Variants in BBS4 observed in about 807,000 individuals in gnomAD.
The protein encoded by BBS4 is Bardet-Biedl syndrome 4.
A neutral mutation model predicts 71.4 loss-of-function variants in BBS4; 58 were observed. The observed-to-expected ratio is 0.81, with a 90% CI of 0.66 to 1.01. BBS4 has a LOEUF of 1.01. Among genes scored for constraint, BBS4 ranks in the 50% least tolerant of loss-of-function variants. The pLI is 0.00. For synonymous variants in BBS4, 228 were observed against 216.8 expected (o/e 1.05, Z -0.46); for missense variants, 660 against 607.9 (o/e 1.09, Z -0.90).
Position 72,709,785 on chromosome 15 carries a change from A to T in BBS4, c.156+6A>T. ...AAGATTATGAAGCCTGCAAGGTAAG[A>T]GATTGCCATAATAATAAAAATGAGA... On this transcript the variant is annotated splice_donor_region_variant and intron_variant, in intron 3 of 15. Transcript: ENST00000268057. The T allele has an allele frequency of 6.2e-7, 1 of 1,609,638 alleles. No individual in the cohort carries two copies. The highest frequency in any genetic ancestry group is 8.5e-7 in the Non-Finnish European group (1 of 1,176,346).
Position 72,731,448 on chromosome 15 carries a change from A to T in BBS4, c.855A>T (p.Lys285Asn). The T allele has an allele frequency of 2.5e-6, 4 of 1,614,196 alleles. No homozygotes were observed. The highest frequency in any genetic ancestry group is 3.4e-6 in the Non-Finnish European group (4 of 1,180,054). Residue 285 changes from lysine (K) to asparagine (N), a missense_variant, in exon 11 of 16, where the codon AAA (lysine) becomes AAT (asparagine). Transcript: ENST00000268057. The stretch of plus-strand genomic sequence containing the variant: ...GAATGTGTTTCTTTGGCAAGAAGAA[A>T]TATGTGGCGGTGAGTGTCCCCTCAT... ...NIGMCFFGKK[K>N]YVAAISCLKR...
At chr15:72,724,484 C>A in intron 7 of BBS4, 44 bp from the exon 8 acceptor site, 2 of 1,611,520 alleles carry the variant, frequency 1.2e-6, no homozygotes, top group South Asian at 1.1e-5. Context: ...ATAGTTCGTT[C>A]AGTGGTAGTG....
chr15:72,686,381 G>T, intron 1 of BBS4, 130 bp downstream of exon 1: 1 of 1,537,854 alleles, frequency 6.5e-7, no homozygotes, highest in South Asian at 1.2e-5. Context: ...TGGGCGGGGC[G>T]ACACGGTCCC....
At chr15:72,694,008 C>T (rs1489075388) in intron 1 of BBS4, among the ~76,000 whole-genome samples, 3 of 151,998 alleles carry the variant, frequency 2.0e-5, no homozygotes, top group Non-Finnish European at 4.4e-5. Flanking sequence ...CCTCAGCCTC[C>T]CAAGTAGCTG....
chr15:72,691,698 G>A (rs550688228), intron 1 of BBS4, among the ~76,000 whole-genome samples: 1 of 152,280 alleles, frequency 6.6e-6, no homozygotes, highest in South Asian at 2.1e-4. Context: ...GGGTGCAGTG[G>A]CTTACGCCTG....
rs111586976 is a variant in BBS4, at chr15:72,734,930, A to G, written c.1037-183A>G. Reference sequence around the variant, plus strand: ...AAAAGAAACTGCAAAAAAAGGATGCATAGAACCTGGCAACTGATTGACTGT... The same window carrying G: ...AAAAGAAACTGCAAAAAAAGGATGCGTAGAACCTGGCAACTGATTGACTGT... On this transcript the variant is annotated intron_variant, in intron 12 of 15. Transcript: ENST00000268057. The G allele has an allele frequency of 3.8e-3, 2,352 of 612,928 alleles. 54 individuals carry two copies. The African/African-American group carries it at 0.038, about 10-fold the overall frequency. The allele number at this position is 612,928 out of a possible 1,614,324, so 38.0% of individuals were successfully genotyped here. A position where few individuals can be genotyped will look rare whatever the true frequency, so the allele number is the denominator to read the frequency against.
chr15:72,712,347 A>T (rs775236839), intron 4 of BBS4, 40 bp downstream of exon 4: 2 of 1,577,928 alleles, frequency 1.3e-6, no homozygotes, highest in Admixed American at 1.7e-5. Context: ...AGAGAAATAC[A>T]CTTTTCCTAG....
At chr15:72,718,625 A>C (rs1027487422) in intron 6 of BBS4, among the ~76,000 whole-genome samples, 19 of 152,248 alleles carry the variant, frequency 1.2e-4, no homozygotes, top group Non-Finnish European at 1.5e-5. Flanking sequence ...GCTAACAGCC[A>C]GAGTGAAACT....
chr15:72,719,233 C>T lies in BBS4; in HGVS notation c.405+2383C>T, dbSNP rs112406655. Among the ~76,000 whole-genome samples the T allele has an allele frequency of 2.4e-3, 355 of 151,034 alleles. 1 individual carries two copies. Among genetic ancestry groups the T allele is most frequent in the African/African-American group, 8.3e-3 (341 of 41,164 alleles). On this transcript the variant is annotated intron_variant, in intron 6 of 15. Transcript: ENST00000268057. Reference sequence around the variant, plus strand: ...GCCCACCAATAATCCCTGGAACATCCCTGGATGCTAGCAGTTTTTTACTTT... The same window carrying T: ...GCCCACCAATAATCCCTGGAACATCTCTGGATGCTAGCAGTTTTTTACTTT...
At chr15:72,731,041 TG>T (rs1407112305) in intron 10 of BBS4, among the ~76,000 whole-genome samples, 1 of 148,904 alleles carries the variant, frequency 6.7e-6, no homozygotes, top group African/African-American at 2.5e-5. Context: ...AGGAAACAGA[TG>T]GGTAAAGCAA....
chr15:72,692,409 G>A (rs561405360), intron 1 of BBS4, among the ~76,000 whole-genome samples: 36 of 148,798 alleles, frequency 2.4e-4, no homozygotes, highest in Admixed American at 1.4e-4. Flanking sequence ...TCTGCCTCCT[G>A]GGCTCAAGTG....
intron 12 of BBS4, among the ~76,000 whole-genome samples, chr15:72,734,430 G>A (rs2065882309): frequency 6.6e-6 from 1 of 152,190 alleles, no homozygotes; most frequent in African/African-American, 2.4e-5. Flanking sequence ...CTGTTAGTGG[G>A]GGTTAGTGTT....
At chr15:72,730,633 T>C (rs1393406336) in intron 10 of BBS4, among the ~76,000 whole-genome samples, 1 of 152,210 alleles carries the variant, frequency 6.6e-6, no homozygotes, top group Non-Finnish European at 1.5e-5. Flanking sequence ...AGAGTCCTAA[T>C]GATTTGATAC....
intron 1 of BBS4, among the ~76,000 whole-genome samples, chr15:72,693,541 C>G (rs1256520711): frequency 6.6e-6 from 1 of 152,086 alleles, no homozygotes; most frequent in Non-Finnish European, 1.5e-5. Context: ...TGTTGTAGGA[C>G]AAAAGCAACC....
intron 2 of BBS4, among the ~76,000 whole-genome samples, chr15:72,708,637 G>C (rs1318875903): frequency 6.6e-6 from 1 of 152,192 alleles, no homozygotes; most frequent in African/African-American, 2.4e-5. Context: ...GGGCAAAATA[G>C]AGCCATATTT....
intron 12 of BBS4, among the ~76,000 whole-genome samples, chr15:72,733,878 A>G (rs11853473): frequency 0.016 from 2,445 of 152,258 alleles, 28 homozygotes; most frequent in Non-Finnish European, 0.025. Flanking sequence ...GAACTAATTT[A>G]CACTCCCATC....
chr15:72,704,327 T>A (rs2065226042), intron 2 of BBS4: 1 of 671,964 alleles, frequency 1.5e-6, no homozygotes, highest in African/African-American at 1.9e-5. Context: ...GAGACTCTGC[T>A]CTGCATTTAC....
At position 72,738,459 on chromosome 15, in the gene BBS4, A is replaced by C. The variant is rs1287065061; in HGVS notation, c.*872A>C. ...ATAAAAACAAGAGATCATAATAAAA[A>C]CCTAAAAGAACCTATGATCACGGTC... On this transcript the variant is annotated 3_prime_UTR_variant, in exon 16 of 16. Coordinates refer to ENST00000268057, the MANE Select transcript of BBS4 (RefSeq NM_033028.5). 1 of 361,094 alleles carries C rather than the reference A, an allele frequency of 2.8e-6. No individual in the cohort carries two copies. The highest frequency in any genetic ancestry group is 5.4e-6 in the Non-Finnish European group (1 of 186,900). The allele number at this position is 361,094 out of a possible 1,614,324, so 22.4% of individuals were successfully genotyped here. A position where few individuals can be genotyped will look rare whatever the true frequency, so the allele number is the denominator to read the frequency against.
intron 8 of BBS4, among the ~76,000 whole-genome samples, chr15:72,725,691 C>T (rs866939197): frequency 4.1e-5 from 6 of 144,836 alleles, no homozygotes; most frequent in African/African-American, 1.0e-4. Flanking sequence ...TCCCCTTCCC[C>T]GTTTTCCCCT....
Sources: gnomAD v4.1 joint callset for allele counts (sites outside exome capture counted in the v4.1 genomes callset) on GRCh38, gnomAD v4.1.1 for gene constraint, MANE v1.5 for transcripts, NCBI Gene and HGNC (gene_info 2026-07-23, HGNC 2026-07-21) for gene names.